ABCA13: variants seen among roughly 807,000 people sequenced by gnomAD.
ABCA13 encodes the protein ATP binding cassette subfamily A member 13, also known as ATP-binding cassette sub-family A member 13.
In ABCA13, 476 loss-of-function variants were observed where a neutral mutation model predicts 478.7. The observed-to-expected ratio is 0.99, with a 90% CI of 0.92 to 1.07. The LOEUF (loss-of-function observed/expected upper bound fraction) is 1.07. Among genes scored for constraint, ABCA13 ranks in the 50% least tolerant of loss-of-function variants. The pLI is 0.00. For missense variants in ABCA13, 6,060 were observed against 5,910.6 expected, an observed-to-expected ratio of 1.03 and a Z score of -0.83; for synonymous variants, 2,252 against 2,158.9, an observed-to-expected ratio of 1.04 and a Z score of -1.20.
intron 5 of ABCA13, among the ~76,000 whole-genome samples, chr7:48,225,139 T>TGCCTGCCTGCCTGCCTG (rs1562817337): frequency 1.5e-5 from 1 of 66,196 alleles, no homozygotes; most frequent in African/African-American, 8.3e-5. Context: ...CTGCCTGCCT[T>TGCCTGCCTGCCTGCCTG]CCTTCCTTCC....
chr7:48,207,201 T>A (rs1461730553), intron 3 of ABCA13, among the ~76,000 whole-genome samples: 3 of 152,190 alleles, frequency 2.0e-5, no homozygotes, highest in African/African-American at 7.2e-5. Flanking sequence ...TCCATTTATA[T>A]GTTGATGAAC....
At chr7:48,466,600 C>T (rs983389203) in intron 43 of ABCA13, among the ~76,000 whole-genome samples, 2 of 152,124 alleles carry the variant, frequency 1.3e-5, no homozygotes, top group Non-Finnish European at 2.9e-5. Flanking sequence ...AATATATTAA[C>T]ACAATATGAT....
In ABCA13 at chr7:48,276,476, ATTC is replaced by A. The variant is rs1233869063; in HGVS notation, c.6815_6817del (p.Phe2272del). ...ATTTCACAGAACAGTTTTTGAAAAC[ATTC>A]TTCTCCCTTTTTCTAAAGGAAGATT... On this transcript the variant is annotated inframe_deletion, in exon 17 of 62. Coordinates refer to ENST00000435803, the MANE Select transcript of ABCA13 (RefSeq NM_152701.5). 3 of 1,605,698 alleles carry A rather than the reference ATTC, an allele frequency of 1.9e-6. No individual in the cohort carries two copies. Among genetic ancestry groups the A allele is most frequent in the Non-Finnish European group, 2.5e-6 (3 of 1,176,912 alleles).
intron 45 of ABCA13, among the ~76,000 whole-genome samples, chr7:48,475,851 T>G (rs563317953): frequency 6.1e-4 from 93 of 152,204 alleles, no homozygotes; most frequent in Non-Finnish European, 1.1e-3. Context: ...GATGAAAACA[T>G]GATTTGGAAG....
chr7:48,243,321 T>A (rs1791150136), intron 10 of ABCA13, among the ~76,000 whole-genome samples: 1 of 152,244 alleles, frequency 6.6e-6, no homozygotes, highest in South Asian at 2.1e-4. Flanking sequence ...CTTTCTCACT[T>A]TCTAGCTCTT....
Position 48,619,765 on chromosome 7 carries a change from G to A in ABCA13, c.14837+4388G>A, listed in dbSNP as rs960032588. Among the ~76,000 whole-genome samples the A allele has an allele frequency of 3.2e-4, 48 of 152,160 alleles. 1 individual carries two copies. Among genetic ancestry groups the A allele is most frequent in the Admixed American group, 2.7e-3 (41 of 15,272 alleles). On this transcript the variant is annotated intron_variant, in intron 59 of 61. Transcript: ENST00000435803. ...GACACATCCAGTTTGTTGGTAAAGG[G>A]CGATTTCCTGGGGTCACTTATGAAT... is the stretch of plus-strand genomic sequence containing the variant.
intron 59 of ABCA13, among the ~76,000 whole-genome samples, chr7:48,631,979 G>C (rs1794205269): frequency 6.6e-6 from 1 of 152,142 alleles, no homozygotes; most frequent in African/African-American, 2.4e-5. Context: ...GTTGTTGTTA[G>C]TGTATAGCAG....
At position 48,283,194 on chromosome 7, in the gene ABCA13, C is replaced by T. The variant is rs141263028; in HGVS notation, c.8836+1742C>T. ...CCACTATCAGAAGAGGAAGGGTTAC[C>T]GGCCCCAGGATGGCTAATTGGTGGG... On this transcript the variant is annotated intron_variant, in intron 19 of 61. Transcript: ENST00000435803. Among the ~76,000 whole-genome samples, 1,041 of 152,112 alleles carry T rather than the reference C, an allele frequency of 6.8e-3. 10 individuals are homozygous for T. The highest frequency in any genetic ancestry group is 0.037 in the Middle Eastern group (11 of 294).
At chr7:48,193,096 G>T in intron 2 of ABCA13, 44 bp downstream of exon 2, 2 of 1,360,114 alleles carry the variant, frequency 1.5e-6, no homozygotes, top group Non-Finnish European at 2.0e-6. Flanking sequence ...AACCTTTGGA[G>T]AAAAAAAACT....
rs367935118 is a variant in ABCA13, at chr7:48,295,843, G to T, written c.9099G>T (p.Thr3033=). 1.2e-6 allele frequency: 2 copies of T among 1,612,438 alleles called. No individual in the cohort carries two copies. The highest frequency in any genetic ancestry group is 1.7e-6 in the Non-Finnish European group (2 of 1,179,070). Reference sequence around the variant, plus strand: ...GCACAAGCCAGCCGAGGCTGGAGACGGTGCAGCAGCACTTGTACATGTATG... The same window carrying T: ...GCACAAGCCAGCCGAGGCTGGAGACTGTGCAGCAGCACTTGTACATGTATG... ...QDCTSQPRLE[T]VQQHLYMLAK... Residue 3033 remains threonine, a synonymous_variant, in exon 21 of 62, where the codon ACG becomes ACT. Transcript: ENST00000435803.
chr7:48,364,695 TATA>T (rs1299377317), intron 31 of ABCA13, among the ~76,000 whole-genome samples: 1 of 152,198 alleles, frequency 6.6e-6, no homozygotes, highest in African/African-American at 2.4e-5. Context: ...TTTCACTTAA[TATA>T]ATGTCCTCCA....
chr7:48,293,200 C>CCCCA (rs1554419753), intron 20 of ABCA13, among the ~76,000 whole-genome samples: 9 of 136,538 alleles, frequency 6.6e-5, no homozygotes, highest in East Asian at 2.4e-4. Context: ...CAGCCCCCCC[C>CCCCA]CCGCCACACA....
At chr7:48,256,597 G>A (rs1039144776) in intron 15 of ABCA13, among the ~76,000 whole-genome samples, 4 of 152,018 alleles carry the variant, frequency 2.6e-5, no homozygotes, top group East Asian at 1.9e-4. Flanking sequence ...GTCAAAGATC[G>A]ATGGTTTTAG....
chr7:48,638,274 C>T (rs1320608578), intron 59 of ABCA13, among the ~76,000 whole-genome samples: 2 of 152,126 alleles, frequency 1.3e-5, no homozygotes, highest in Non-Finnish European at 2.9e-5. Flanking sequence ...CTGGAGGTGA[C>T]GTTGACCCAA....
intron 34 of ABCA13, among the ~76,000 whole-genome samples, chr7:48,374,697 G>A (rs184539891): frequency 7.2e-5 from 11 of 152,272 alleles, no homozygotes; most frequent in South Asian, 4.1e-4. Context: ...TTGACGTCTG[G>A]TCTGGTGAGT....
rs999745112 is a variant in ABCA13, at chr7:48,274,397, G to C, written c.4731G>C (p.Leu1577Phe). 3.1e-6 allele frequency: 5 copies of C among 1,612,628 alleles called. No homozygotes were observed. The change falls in exon 17 of 62, where the codon TTG (leucine) becomes TTC (phenylalanine). Residue 1577 changes from leucine (L) to phenylalanine (F), a missense_variant. Transcript: ENST00000435803. ...ATTCCTCTTCTAAAACTGAAAACTT[G>C]TTAAACATATTTGCCACCAGTCCAA... ...ENNSSSKTENLLNIFATSPKE... is the reference protein window; with the variant it reads ...ENNSSSKTENFLNIFATSPKE...
At position 48,511,198 on chromosome 7, in the gene ABCA13, G is replaced by A. The variant is rs758968881; in HGVS notation, c.13639G>A (p.Gly4547Arg). The change falls in exon 51 of 62, where the codon GGA becomes AGA. Residue 4547 changes from glycine (G) to arginine (R), a missense_variant and splice_region_variant. Physicochemically the swap from Gly to Arg is moderately radical, Grantham distance 125. Coordinates refer to ENST00000435803, the MANE Select transcript of ABCA13 (RefSeq NM_152701.5). ...AATALLLSLF[G>R]YATLPWMYLM... is the part of the protein sequence containing the mutation. Reference sequence around the variant, plus strand: ...CACGGCCCTCCTGCTGTCACTTTTCGGGTATGTGATGAGAAACGCTGCTGC... The same window carrying A: ...CACGGCCCTCCTGCTGTCACTTTTCAGGTATGTGATGAGAAACGCTGCTGC... 2.4e-5 allele frequency: 39 copies of A among 1,606,668 alleles called. No individual in the cohort carries two copies. The highest frequency in any genetic ancestry group is 6.7e-5 in the African/African-American group (5 of 74,384).
intron 3 of ABCA13, among the ~76,000 whole-genome samples, chr7:48,206,148 C>T (rs559573320): frequency 4.6e-4 from 70 of 152,194 alleles, no homozygotes; most frequent in Middle Eastern, 3.4e-3. Context: ...CTTCTTTCAC[C>T]CAGTAAAATG....
intron 19 of ABCA13, among the ~76,000 whole-genome samples, 191 bp downstream of exon 19, chr7:48,281,643 C>A (rs1357550074): frequency 6.6e-6 from 1 of 152,152 alleles, no homozygotes; most frequent in Non-Finnish European, 1.5e-5. Flanking sequence ...CTACTCCAGC[C>A]AAATTGAACG....
Sources: gnomAD v4.1 joint callset for allele counts (sites outside exome capture counted in the v4.1 genomes callset) on GRCh38, gnomAD v4.1.1 for gene constraint, MANE v1.5 for transcripts, NCBI Gene and HGNC (gene_info 2026-07-23, HGNC 2026-07-21) for gene names.